The following PDXDC1 variants were observed in gnomAD, a reference collection of about 807,000 sequenced individuals.
PDXDC1 encodes pyridoxal-dependent decarboxylase domain-containing protein 1.
In PDXDC1, 42 loss-of-function variants were observed where a neutral mutation model predicts 100.1. The observed-to-expected ratio is 0.42, with a 90% CI of 0.33 to 0.54. The LOEUF (loss-of-function observed/expected upper bound fraction) is 0.54. Ranked by LOEUF, PDXDC1 falls within the 20% of genes least tolerant of loss-of-function variation. PDXDC1 has a pLI of 0.10. For synonymous variants in PDXDC1, 260 were observed against 371.7 expected, an observed-to-expected ratio of 0.70 and a Z score of 3.46; for missense variants, 636 against 979.2, an observed-to-expected ratio of 0.65 and a Z score of 4.68.
In PDXDC1 at chr16:15,063,408, T is replaced by A. The variant is rs554494026; in HGVS notation, c.1399+33352T>A. 151 of 777,928 alleles carry A rather than the reference T, an allele frequency of 1.9e-4. No individual in the cohort carries two copies. The African/African-American group carries it at 2.3e-3, about 12-fold the overall frequency. 48.2% of individuals were successfully genotyped at this position (777,928 alleles called of 1,614,324 possible). On this transcript the variant is annotated intron_variant, in intron 16 of 16. Coordinates refer to the PDXDC1 transcript ENST00000535621. Reference sequence around the variant, plus strand: ...GAAGTGAAAACTACAGCTTAAATAATTACATTTAAAAAAAACCTGGCTGGG... The same window carrying A: ...GAAGTGAAAACTACAGCTTAAATAAATACATTTAAAAAAAACCTGGCTGGG...
chr16:14,986,594 G>T (rs868320052), intron 1 of PDXDC1, among the ~76,000 whole-genome samples: 166 of 152,338 alleles, frequency 1.1e-3, no homozygotes, highest in African/African-American at 3.7e-3. Flanking sequence ...TTGAACCCAC[G>T]TCATTTATAC....
At chr16:15,102,074 C>A (rs1288630012) in intron 16 of PDXDC1, among the ~76,000 whole-genome samples, 1 of 152,170 alleles carries the variant, frequency 6.6e-6, no homozygotes, top group Admixed American at 6.5e-5. Context: ...TCTTGAACGC[C>A]TGACCTTGTG....
rs763764566 is a variant in PDXDC1 at position 15,127,449 on chromosome 16, C to G, written c.1400-11430C>G. 2,435 of 1,533,308 alleles carry G rather than the reference C, an allele frequency of 1.6e-3. 11 individuals carry two copies. The highest frequency in any genetic ancestry group is 0.011 in the African/African-American group (796 of 72,354). The allele number at this position is 1,533,308 out of a possible 1,614,324, so 95.0% of individuals were successfully genotyped here. A position where few individuals can be genotyped will look rare whatever the true frequency, so the allele number is the denominator to read the frequency against. Reference sequence around the variant, plus strand: ...CCCAGGCTCCATTCCCAGTACTCCCCGGTCCCCAGCCCCAGCCCACCTTGC... The same window carrying G: ...CCCAGGCTCCATTCCCAGTACTCCCGGGTCCCCAGCCCCAGCCCACCTTGC... On this transcript the variant is annotated intron_variant, in intron 16 of 16. Coordinates refer to the PDXDC1 transcript ENST00000535621.
intron 16 of PDXDC1, chr16:15,137,613 C>T (rs574551460): frequency 1.4e-4 from 186 of 1,363,980 alleles, no homozygotes; most frequent in African/African-American, 9.4e-4. Flanking sequence ...ATCCGCCCGC[C>T]GCACTCACAG....
chr16:15,065,596 T>C (rs1034340976), intron 16 of PDXDC1, among the ~76,000 whole-genome samples: 1 of 152,152 alleles, frequency 6.6e-6, no homozygotes, highest in African/African-American at 2.4e-5. Flanking sequence ...TGGCTATCAC[T>C]CAGAATGTGA....
chr16:14,983,009 A>AT (rs1259213081), intron 1 of PDXDC1, among the ~76,000 whole-genome samples: 17 of 152,228 alleles, frequency 1.1e-4, no homozygotes, highest in South Asian at 4.1e-4. Context: ...GTAGGTAGTG[A>AT]TTTTTTTTAT....
downstream of PDXDC1, among the ~76,000 whole-genome samples, chr16:15,039,325 C>A (rs1162599641): frequency 6.6e-6 from 1 of 152,204 alleles, no homozygotes; most frequent in Non-Finnish European, 1.5e-5. Flanking sequence ...ACACATTTCC[C>A]AGTGAAAACA....
At position 15,038,070 on chromosome 16, in the gene PDXDC1, T is replaced by A. The variant is rs1337989876; in HGVS notation, c.*1795T>A. On this transcript the variant is annotated 3_prime_UTR_variant, in exon 23 of 23. Coordinates refer to ENST00000396410, the MANE Select transcript of PDXDC1 (RefSeq NM_015027.4). Reference sequence around the variant, plus strand: ...AAGAGATCTTTTCCCACAAGCCATCTTCATTTTTTTTGTAGAGTAGGGCTT... The same window carrying A: ...AAGAGATCTTTTCCCACAAGCCATCATCATTTTTTTTGTAGAGTAGGGCTT... The A allele has an allele frequency of 1.8e-5, 29 of 1,612,652 alleles. No individual in the cohort carries two copies. The highest frequency in any genetic ancestry group is 2.5e-5 in the Non-Finnish European group (29 of 1,179,578).
At chr16:14,978,959 G>C (rs1458720099) in intron 1 of PDXDC1, among the ~76,000 whole-genome samples, 1 of 152,286 alleles carries the variant, frequency 6.6e-6, no homozygotes, top group African/African-American at 2.4e-5. Flanking sequence ...GTAGATGCTA[G>C]TCGCACTCCC....
chr16:15,006,838 A>G lies in PDXDC1; in HGVS notation c.579+255A>G, dbSNP rs537556172. ...TCGAAGGGGGTGTGTTTGTGTTTAT[A>G]TGGTTGTATCTGGCTCTTTTCACTT... is the stretch of plus-strand genomic sequence containing the variant. On this transcript the variant is annotated intron_variant, in intron 6 of 22. Transcript: ENST00000396410. 3.3e-5 allele frequency among the ~76,000 whole-genome samples: 5 copies of G among 152,404 alleles called. No individual in the cohort carries two copies. The East Asian group carries it at 7.7e-4, about 24-fold the overall frequency.
rs1464319262 is a variant in PDXDC1 at position 15,036,458 on chromosome 16, C to A, written c.*183C>A. 1.5e-5 allele frequency: 8 copies of A among 538,230 alleles called. No individual in the cohort carries two copies. The East Asian group carries it at 2.0e-4, about 14-fold the overall frequency. The allele number at this position is 538,230 out of a possible 1,614,324, so 33.3% of individuals were successfully genotyped here. On this transcript the variant is annotated 3_prime_UTR_variant, in exon 23 of 23. Transcript: ENST00000396410. ...GGAGGGGAGTCAGCTTGTCTAACTT[C>A]ATGTACATGTAGAACCACGTTTGCT... is the stretch of plus-strand genomic sequence containing the variant.
intron 16 of PDXDC1, chr16:15,132,993 G>C: frequency 6.8e-7 from 1 of 1,478,482 alleles, no homozygotes; most frequent in Non-Finnish European, 9.2e-7. Context: ...TGTGGGCATT[G>C]ACCCGCAACA....
intron 16 of PDXDC1, among the ~76,000 whole-genome samples, chr16:15,103,829 T>G (rs2046659185): frequency 1.0e-5 from 1 of 99,690 alleles, no homozygotes; most frequent in African/African-American, 3.8e-5. Flanking sequence ...TCTTTAACAC[T>G]GAGCACTTGA....
intron 16 of PDXDC1, chr16:15,126,031 T>C: frequency 3.4e-6 from 2 of 590,998 alleles, no homozygotes; most frequent in East Asian, 5.6e-5. Context: ...AACAGAGTTT[T>C]CAATTTCATT....
At chr16:15,137,617 C>T in intron 16 of PDXDC1, 2 of 1,357,580 alleles carry the variant, frequency 1.5e-6, no homozygotes, top group Non-Finnish European at 2.0e-6. Flanking sequence ...GCCCGCCGCA[C>T]TCACAGGCTC....
At chr16:15,021,238 G>A (rs1426696129) in intron 12 of PDXDC1, among the ~76,000 whole-genome samples, 22 of 152,200 alleles carry the variant, frequency 1.4e-4, no homozygotes, top group Non-Finnish European at 1.5e-5. Context: ...TTAGCCAGGT[G>A]TAGTGGCACA....
intron 16 of PDXDC1, among the ~76,000 whole-genome samples, chr16:15,117,697 T>A (rs1301229982): frequency 1.6e-5 from 1 of 62,902 alleles, no homozygotes; most frequent in Non-Finnish European, 3.1e-5. Flanking sequence ...GTCTTGGGGG[T>A]GAGAAAAGAA....
At chr16:15,066,589 C>T (rs540368998) in intron 16 of PDXDC1, among the ~76,000 whole-genome samples, 2 of 151,104 alleles carry the variant, frequency 1.3e-5, no homozygotes, top group Admixed American at 1.3e-4. Flanking sequence ...GCTAAGATCA[C>T]GCCACTGTAC....
At chr16:15,031,342 G>A (rs866340360) in intron 16 of PDXDC1, among the ~76,000 whole-genome samples, 11 of 151,998 alleles carry the variant, frequency 7.2e-5, no homozygotes, top group Admixed American at 2.6e-4. Context: ...TTCCTGTGTG[G>A]GGACAGCAGC....
Sources: gnomAD v4.1 joint callset for allele counts (sites outside exome capture counted in the v4.1 genomes callset) on GRCh38, gnomAD v4.1.1 for gene constraint, MANE v1.5 for transcripts, NCBI Gene and HGNC (gene_info 2026-07-23, HGNC 2026-07-21) for gene names.